Variants in BEND7 observed in about 807,000 individuals in gnomAD.
BEND7 encodes BEN domain-containing protein 7.
In BEND7, 28 loss-of-function variants were observed where a neutral mutation model predicts 50.9. That is an observed-to-expected ratio of 0.55 (90% CI 0.41 to 0.75). BEND7 has a LOEUF of 0.75. Ranked by LOEUF, BEND7 falls within the 30% of genes least tolerant of loss-of-function variation. The pLI is 0.00. For synonymous variants in BEND7, 170 were observed against 183.9 expected, an observed-to-expected ratio of 0.92 and a Z score of 0.61; for missense variants, 477 against 491.3, an observed-to-expected ratio of 0.97 and a Z score of 0.28.
intron 6 of BEND7, among the ~76,000 whole-genome samples, chr10:13,458,402 G>T (rs1465641189): frequency 6.6e-6 from 1 of 152,174 alleles, no homozygotes; most frequent in Admixed American, 6.5e-5. Flanking sequence ...TTTTAATTTG[G>T]GTTTTTCTGG....
intron 7 of BEND7, 141 bp downstream of exon 7, chr10:13,452,396 TAA>T (rs3832669): frequency 0.33 from 314,904 of 941,620 alleles, 57,404 homozygotes; most frequent in East Asian, 0.67. Flanking sequence ...AATAAGACTT[TAA>T]GAGAGCAAAT....
intron 5 of BEND7, among the ~76,000 whole-genome samples, chr10:13,482,430 C>T (rs1238436031): frequency 1.3e-5 from 2 of 152,228 alleles, no homozygotes; most frequent in Non-Finnish European, 2.9e-5. Flanking sequence ...ACTGGCCCTG[C>T]TTTGCAGTTT....
chr10:13,488,329 C>G (rs1488426069), intron 5 of BEND7, among the ~76,000 whole-genome samples: 1 of 151,422 alleles, frequency 6.6e-6, no homozygotes, highest in Non-Finnish European at 1.5e-5. Context: ...GTAACAACAA[C>G]AAGACAAACT....
At chr10:13,522,189 G>A (rs901330136) in intron 2 of BEND7, among the ~76,000 whole-genome samples, 2 of 152,210 alleles carry the variant, frequency 1.3e-5, no homozygotes, top group African/African-American at 2.4e-5. Context: ...TGTTTCCAAT[G>A]TACATACTAT....
chr10:13,490,115 T>A (rs528858424), intron 5 of BEND7, among the ~76,000 whole-genome samples: 15 of 152,360 alleles, frequency 9.8e-5, no homozygotes, highest in African/African-American at 3.4e-4. Context: ...TGACAGCCCC[T>A]TGTGGGCCCT....
intron 6 of BEND7, among the ~76,000 whole-genome samples, chr10:13,467,460 C>T (rs1245256102): frequency 6.6e-6 from 1 of 152,216 alleles, no homozygotes; most frequent in Non-Finnish European, 1.5e-5. Context: ...GCATGACATA[C>T]TACACTTTCC....
intron 2 of BEND7, among the ~76,000 whole-genome samples, chr10:13,523,110 C>T (rs1303150026): frequency 6.6e-6 from 1 of 152,218 alleles, no homozygotes; most frequent in Non-Finnish European, 1.5e-5. Context: ...TCTCTGACCC[C>T]ACTCCCATTC....
rs369710233 is a variant in BEND7, at chr10:13,517,822, T to C, written c.145+8316A>G. On this transcript the variant is annotated intron_variant, in intron 2 of 8. Transcript: ENST00000466271. ...CTCTCAGGAGCCGAAAGGCACCGTG[T>C]GGATCGCAATGGCTGCAGGTTCAGG... is the stretch of plus-strand genomic sequence containing the variant. 1.3e-3 allele frequency among the ~76,000 whole-genome samples: 201 copies of C among 152,358 alleles called. 6 individuals carry two copies. In the South Asian group the frequency reaches 0.038, roughly 29 times the overall value.
chr10:13,476,995 C>T (rs2131636906), intron 6 of BEND7, among the ~76,000 whole-genome samples: 1 of 152,290 alleles, frequency 6.6e-6, no homozygotes, highest in East Asian at 1.9e-4. Flanking sequence ...AATACAATCT[C>T]TACAAAAGAG....
At chr10:13,470,135 A>G (rs1327508492) in intron 6 of BEND7, among the ~76,000 whole-genome samples, 1 of 152,234 alleles carries the variant, frequency 6.6e-6, no homozygotes, top group Non-Finnish European at 1.5e-5. Context: ...ATCTCTGATG[A>G]GCCACACAAT....
At chr10:13,469,442 G>A (rs899508703) in intron 6 of BEND7, among the ~76,000 whole-genome samples, 3 of 152,106 alleles carry the variant, frequency 2.0e-5, no homozygotes, top group East Asian at 1.9e-4. Context: ...AGCCAAAATC[G>A]ATTACAGCTT....
intron 6 of BEND7, among the ~76,000 whole-genome samples, chr10:13,453,148 A>G (rs576958127): frequency 2.0e-5 from 3 of 152,300 alleles, no homozygotes; most frequent in African/African-American, 7.2e-5. Context: ...GAAAGTTCCA[A>G]TTCTACTTTA....
intron 5 of BEND7, among the ~76,000 whole-genome samples, chr10:13,488,954 A>AT (rs1306138155): frequency 1.3e-5 from 2 of 152,138 alleles, no homozygotes; most frequent in Non-Finnish European, 2.9e-5. Flanking sequence ...GTTCACGTGT[A>AT]TTTTTTTACT....
Position 13,528,587 on chromosome 10 carries a change from GGCA to G in BEND7, c.-57_-55del, listed in dbSNP as rs1267643570. 10 of 837,664 alleles carry G rather than the reference GGCA, an allele frequency of 1.2e-5. No homozygotes were observed. In the Admixed American group the frequency reaches 3.2e-4, roughly 27 times the overall value. The allele number at this position is 837,664 out of a possible 1,614,324, so 51.9% of individuals were successfully genotyped here. ...AGGAGGCGGCGGCAGCGGCGGCAGC[GGCA>G]GCGGCGGCAGCGGCAGCGGCGGCGC... On this transcript the variant is annotated 5_prime_UTR_variant, in exon 1 of 9. Coordinates refer to ENST00000466271, the MANE Select transcript of BEND7 (RefSeq NM_001369863.1).
At chr10:13,493,224 G>A (rs1307051416) in intron 4 of BEND7, among the ~76,000 whole-genome samples, 1 of 152,120 alleles carries the variant, frequency 6.6e-6, no homozygotes, top group East Asian at 1.9e-4. Flanking sequence ...GAGAACTTCG[G>A]GATTTAAATT....
chr10:13,498,656 C>A (rs751241075), intron 3 of BEND7, among the ~76,000 whole-genome samples: 7 of 152,222 alleles, frequency 4.6e-5, no homozygotes, highest in Non-Finnish European at 1.0e-4. Flanking sequence ...CATCTTTTAT[C>A]ATTTTTAGAA....
intron 5 of BEND7, among the ~76,000 whole-genome samples, chr10:13,482,040 A>G (rs935361045): frequency 6.6e-6 from 1 of 152,224 alleles, no homozygotes; most frequent in Non-Finnish European, 1.5e-5. Context: ...CTTCCTGCCC[A>G]TGGAGGTGGC....
At chr10:13,473,175 A>G (rs2075059538) in intron 6 of BEND7, among the ~76,000 whole-genome samples, 1 of 151,998 alleles carries the variant, frequency 6.6e-6, no homozygotes, top group African/African-American at 2.4e-5. Context: ...ACTCAGGACC[A>G]ATATCATCAT....
chr10:13,496,624 G>GA (rs1206009956), intron 4 of BEND7, 142 bp downstream of exon 4: 1 of 1,034,182 alleles, frequency 9.7e-7, no homozygotes, highest in Non-Finnish European at 1.4e-6. Context: ...AGAGAAAGCT[G>GA]AAAAAACAGA....
Sources: gnomAD v4.1 joint callset for allele counts (sites outside exome capture counted in the v4.1 genomes callset) on GRCh38, gnomAD v4.1.1 for gene constraint, MANE v1.5 for transcripts, NCBI Gene and HGNC (gene_info 2026-07-23, HGNC 2026-07-21) for gene names.